CDC20B: variants seen among roughly 807,000 people sequenced by gnomAD.
CDC20B encodes cell division cycle protein 20 homolog B.
CDC20B carries 58 observed loss-of-function variants against 64.1 expected under a neutral mutation model. The observed-to-expected ratio is 0.90, with a 90% CI of 0.73 to 1.13. The LOEUF (loss-of-function observed/expected upper bound fraction) is 1.13, where lower values mean the gene tolerates loss of function less well. Among genes scored for constraint, CDC20B ranks in the 50% most tolerant of loss-of-function variants. CDC20B has a pLI of 0.00. For synonymous variants in CDC20B, 243 were observed against 230.6 expected, an observed-to-expected ratio of 1.05 and a Z score of -0.49; for missense variants, 597 against 633.0, an observed-to-expected ratio of 0.94 and a Z score of 0.61.
chr5:55,122,539 A>G (rs1476793197), intron 9 of CDC20B, among the ~76,000 whole-genome samples: 1 of 152,210 alleles, frequency 6.6e-6, no homozygotes, highest in East Asian at 1.9e-4. Flanking sequence ...CATTCCCTCC[A>G]TCAATAGGTA....
chr5:55,162,134 G>C (rs1237158841), intron 2 of CDC20B, among the ~76,000 whole-genome samples: 1 of 143,642 alleles, frequency 7.0e-6, no homozygotes, highest in Non-Finnish European at 1.5e-5. Flanking sequence ...GGTGGCTCAC[G>C]CCTGTAATCC....
intron 3 of CDC20B, among the ~76,000 whole-genome samples, chr5:55,144,960 C>T (rs1452373178): frequency 6.6e-6 from 1 of 152,176 alleles, no homozygotes; most frequent in Non-Finnish European, 1.5e-5. Context: ...TCTGATTAAT[C>T]CCTAGTATTA....
At chr5:55,170,699 C>G (rs551282568) in intron 2 of CDC20B, 1 of 534,536 alleles carries the variant, frequency 1.9e-6, no homozygotes, top group South Asian at 1.4e-5. Flanking sequence ...CTGACTTGAC[C>G]CAAGCAGCCA....
At chr5:55,156,972 C>A (rs1243408310) in intron 2 of CDC20B, among the ~76,000 whole-genome samples, 5 of 152,180 alleles carry the variant, frequency 3.3e-5, no homozygotes. Context: ...TCTCATATTT[C>A]CAAAATTGCT....
chr5:55,128,260 TAAAAA>T (rs372856760), intron 7 of CDC20B, among the ~76,000 whole-genome samples, 156 bp downstream of exon 7: 1 of 109,564 alleles, frequency 9.1e-6, no homozygotes, highest in Admixed American at 9.5e-5. Context: ...AACCATTCAG[TAAAAA>T]AAAAAAAAAA....
intron 2 of CDC20B, chr5:55,170,804 C>A: frequency 4.3e-6 from 2 of 462,550 alleles, no homozygotes; most frequent in Non-Finnish European, 9.2e-6. Flanking sequence ...AACATAGTGG[C>A]AGAACTCTAA....
At chr5:55,139,922 G>T (rs947522173) in intron 5 of CDC20B, among the ~76,000 whole-genome samples, 4 of 152,084 alleles carry the variant, frequency 2.6e-5, no homozygotes, top group African/African-American at 9.7e-5. Flanking sequence ...AGCTACTCAG[G>T]GAGCTGAGGC....
At chr5:55,125,481 G>T (rs1368893985) in intron 8 of CDC20B, among the ~76,000 whole-genome samples, 1 of 152,160 alleles carries the variant, frequency 6.6e-6, no homozygotes, top group Non-Finnish European at 1.5e-5. Flanking sequence ...ATATCTAACA[G>T]GTAGAGTCCT....
intron 2 of CDC20B, among the ~76,000 whole-genome samples, chr5:55,162,571 G>A (rs1744135275): frequency 2.0e-5 from 3 of 152,188 alleles, no homozygotes; most frequent in Non-Finnish European, 4.4e-5. Context: ...TCACATAAAT[G>A]TGAAGTCAGA....
rs139560554 is a variant in CDC20B at position 55,113,495 on chromosome 5, T to C, written c.*723A>G. ...GACTTTTAGATGTTCAACCTAGCAG[T>C]GGTGTGGAGTCAAGAGGATCAGTTC... On this transcript the variant is annotated 3_prime_UTR_variant, in exon 12 of 12. Transcript: ENST00000381375. The C allele has an allele frequency of 1.9e-3, 295 of 152,444 alleles. 2 individuals are homozygous for C. The Middle Eastern group carries it at 0.02, about 10-fold the overall frequency. The allele number at this position is 152,444 out of a possible 1,614,324, so 9.4% of individuals were successfully genotyped here.
intron 2 of CDC20B, chr5:55,170,399 CTG>C: frequency 5.2e-6 from 2 of 383,806 alleles, no homozygotes; most frequent in Admixed American, 2.9e-5. Context: ...CATTATAAAA[CTG>C]TGCATTGTAA....
intron 3 of CDC20B, among the ~76,000 whole-genome samples, chr5:55,145,734 T>TTCC (rs1028250630): frequency 2.0e-5 from 3 of 151,340 alleles, no homozygotes; most frequent in Non-Finnish European, 4.4e-5. Flanking sequence ...TTCTTCTTTC[T>TTCC]TCCTCCTCCT....
At chr5:55,143,120 A>G (rs1167948044) in intron 4 of CDC20B, among the ~76,000 whole-genome samples, 3 of 152,192 alleles carry the variant, frequency 2.0e-5, no homozygotes, top group African/African-American at 4.8e-5. Flanking sequence ...CAATAATTCA[A>G]CTTTTCCTAA....
Position 55,114,363 on chromosome 5 carries a change from G to A in CDC20B, c.1460-45C>T. 6.2e-7 allele frequency: 1 copy of A among 1,607,290 alleles called. No homozygotes were observed. Among genetic ancestry groups the A allele is most frequent in the Non-Finnish European group, 8.5e-7 (1 of 1,176,526 alleles). On this transcript the variant is annotated intron_variant, in intron 11 of 11. Coordinates refer to ENST00000381375, the MANE Select transcript of CDC20B (RefSeq NM_001170402.1). The surrounding 1 kb of genome is among the most constrained non-coding windows in gnomAD (Gnocchi z 4.1). Reference sequence around the variant, plus strand: ...CAGTTCATACTCCTCCACGTTACATGGGCTGCTGCTCAGGACTGTAGGCAA... The same window carrying A: ...CAGTTCATACTCCTCCACGTTACATAGGCTGCTGCTCAGGACTGTAGGCAA...
chr5:55,122,011 T>C (rs1356023961), intron 9 of CDC20B, among the ~76,000 whole-genome samples: 1 of 152,214 alleles, frequency 6.6e-6, no homozygotes, highest in Non-Finnish European at 1.5e-5. Context: ...CCACTCCTTC[T>C]GTAAAACATA....
At chr5:55,134,307 C>CTG (rs1215469696) in intron 5 of CDC20B, among the ~76,000 whole-genome samples, 1 of 152,114 alleles carries the variant, frequency 6.6e-6, no homozygotes, top group Non-Finnish European at 1.5e-5. Context: ...CTTCACAATG[C>CTG]TACACCAAGA....
At chr5:55,127,388 A>T in intron 7 of CDC20B, 37 bp from the exon 8 acceptor site, 6 of 1,522,662 alleles carry the variant, frequency 3.9e-6, no homozygotes, top group Non-Finnish European at 5.5e-6. Context: ...GTAGCATTGG[A>T]GTTTTCACAG....
At chr5:55,152,523 G>A (rs958413963) in intron 2 of CDC20B, among the ~76,000 whole-genome samples, 55 of 152,138 alleles carry the variant, frequency 3.6e-4, no homozygotes, top group Non-Finnish European at 1.3e-4. Context: ...ATGGGGTTAG[G>A]TAATTTTAGC....
intron 9 of CDC20B, among the ~76,000 whole-genome samples, chr5:55,122,036 T>C (rs1273140203): frequency 6.6e-6 from 1 of 152,210 alleles, no homozygotes; most frequent in African/African-American, 2.4e-5. Flanking sequence ...CTCCTACCCA[T>C]AGCATGCTAG....
Sources: allele counts gnomAD v4.1 joint callset (sites outside exome capture counted in the v4.1 genomes callset), GRCh38; gene constraint gnomAD v4.1.1; non-coding constraint Gnocchi (gnomAD v3.1); transcripts MANE v1.5; gene names NCBI Gene and HGNC (gene_info 2026-07-23, HGNC 2026-07-21).